Variants in VWF observed in about 807,000 individuals in gnomAD.
VWF encodes Factor VIII related antigen.
A neutral mutation model predicts 308.6 loss-of-function variants in VWF; 176 were observed. That is an observed-to-expected ratio of 0.57 (90% CI 0.50 to 0.65). The LOEUF (loss-of-function observed/expected upper bound fraction) is 0.65. Among genes scored for constraint, VWF ranks in the 30% least tolerant of loss-of-function variants. The probability of loss-of-function intolerance (pLI) is 0.00; values close to 1 mark genes in which losing one functional copy is unlikely to be tolerated. For missense variants in VWF, 3,146 were observed against 3,648.2 expected (o/e 0.86, Z 3.55); for synonymous variants, 1,385 against 1,443.4 (o/e 0.96, Z 0.92).
At chr12:6,103,131 T>C (rs1945184909) in intron 5 of VWF, among the ~76,000 whole-genome samples, 1 of 151,822 alleles carries the variant, frequency 6.6e-6, no homozygotes, top group African/African-American at 2.4e-5. Flanking sequence ...ATTGAGACCA[T>C]CCCTGGCTAA....
chr12:6,089,601 G>A (rs945798923), intron 6 of VWF, among the ~76,000 whole-genome samples: 4 of 151,940 alleles, frequency 2.6e-5, no homozygotes, highest in South Asian at 4.2e-4. Context: ...TCCTCAACCC[G>A]ACCTCAGGAT....
In VWF at chr12:6,029,560, T is replaced by C. The variant is rs570516825; in HGVS notation, c.2821-72A>G. The C allele has an allele frequency of 4.6e-5, 73 of 1,587,348 alleles. No individual in the cohort carries two copies. The African/African-American group carries it at 8.1e-4, about 18-fold the overall frequency. On this transcript the variant is annotated intron_variant, in intron 21 of 51. Coordinates refer to ENST00000261405, the MANE Select transcript of VWF (RefSeq NM_000552.5). ...CGACAGCCAGATCCTCCCTCCACTC[T>C]ACACCTGCCCATCTGTCTTCAGTGC...
intron 5 of VWF, among the ~76,000 whole-genome samples, chr12:6,098,522 T>C (rs560950105): frequency 1.3e-5 from 2 of 152,310 alleles, no homozygotes; most frequent in South Asian, 2.1e-4. Flanking sequence ...TTCATGCTTG[T>C]AATCCCAGCA....
intron 5 of VWF, among the ~76,000 whole-genome samples, chr12:6,097,021 C>A (rs1227913659): frequency 6.6e-6 from 1 of 152,198 alleles, no homozygotes; most frequent in Non-Finnish European, 1.5e-5. Context: ...ACTTCCTAAT[C>A]CCTGGAGCAT....
intron 6 of VWF, among the ~76,000 whole-genome samples, chr12:6,082,169 G>C (rs1944920598): frequency 6.6e-6 from 1 of 152,060 alleles, no homozygotes; most frequent in Admixed American, 6.5e-5. Flanking sequence ...GTTCCACCAT[G>C]TTGGTCAGGC....
rs183074778 is a variant in VWF, at chr12:6,004,003, G to A, written c.5842+7614C>T. On this transcript the variant is annotated intron_variant, in intron 34 of 51. Coordinates refer to ENST00000261405, the MANE Select transcript of VWF (RefSeq NM_000552.5). Reference sequence around the variant, plus strand: ...GCTAATTTTTTGTATTTTTAGTAGAGACGGGGTTTCACCGTGTGTTAGCCA... The same window carrying A: ...GCTAATTTTTTGTATTTTTAGTAGAAACGGGGTTTCACCGTGTGTTAGCCA... 2.6e-3 allele frequency among the ~76,000 whole-genome samples: 398 copies of A among 152,060 alleles called. 3 individuals are homozygous for A. The highest frequency in any genetic ancestry group is 8.6e-3 in the African/African-American group (355 of 41,488).
chr12:6,058,098 G>T lies in VWF; in HGVS notation c.1534-54C>A. 2 of 1,589,570 alleles carry T rather than the reference G, an allele frequency of 1.3e-6. No homozygotes were observed. Among genetic ancestry groups the T allele is most frequent in the Non-Finnish European group, 1.7e-6 (2 of 1,164,152 alleles). ...CCGCTGCCGCGAAAGCAGCGGCATA[G>T]TTGTTTAGCTAATGAGATGGTTTTA... On this transcript the variant is annotated intron_variant, in intron 13 of 51. Coordinates refer to ENST00000261405, the MANE Select transcript of VWF (RefSeq NM_000552.5). The surrounding 1 kb of genome is among the most constrained non-coding windows in gnomAD (Gnocchi z 4.9).
At chr12:6,069,798 A>T (rs1944761217) in intron 10 of VWF, among the ~76,000 whole-genome samples, 1 of 152,200 alleles carries the variant, frequency 6.6e-6, no homozygotes, top group African/African-American at 2.4e-5. Flanking sequence ...ATCCTCAGCA[A>T]AGTCATCTTC....
chr12:6,121,301 G>C lies in VWF; in HGVS notation c.93C>G (p.Ser31=), dbSNP rs1302252417. The C allele has an allele frequency of 1.2e-6, 2 of 1,614,112 alleles. No individual in the cohort carries two copies. Among genetic ancestry groups the C allele is most frequent in the African/African-American group, 2.7e-5 (2 of 74,950 alleles). Residue 31 remains serine, a synonymous_variant, in exon 3 of 52, where the codon TCC becomes TCG. Coordinates refer to ENST00000261405, the MANE Select transcript of VWF (RefSeq NM_000552.5). ...TTCCGAAAAGGCTGCATCGGGCCGT[G>C]GATGACCTGCCGCGAGTTCCTTCTG... ...LCAEGTRGRS[S]TARCSLFGSD...
At chr12:6,052,414 A>C (rs1377765719) in intron 16 of VWF, 129 bp downstream of exon 16, 1 of 1,407,378 alleles carries the variant, frequency 7.1e-7, no homozygotes, top group Non-Finnish European at 1.0e-6. Context: ...CTTGCTGTAC[A>C]GTTCTGGACA....
Position 6,031,570 on chromosome 12 carries a change from G to A in VWF, c.2694C>T (p.Cys898=), listed in dbSNP as rs201892996. Residue 898 remains cysteine (C), a synonymous_variant, in exon 21 of 52, where the codon TGC becomes TGT. Coordinates refer to ENST00000261405, the MANE Select transcript of VWF (RefSeq NM_000552.5). ...TCCGAAAGGTCCCAGGGTTACTGCC[G>A]CAGTAATCCTGGGGAAAGAGGAGTG... ...ECQYVLVQDY[C]GSNPGTFRIL... 76 of 1,614,018 alleles carry A rather than the reference G, an allele frequency of 4.7e-5. No individual in the cohort carries two copies. In the East Asian group the frequency reaches 1.0e-3, roughly 21 times the overall value.
intron 5 of VWF, among the ~76,000 whole-genome samples, chr12:6,098,782 A>T (rs940575408): frequency 1.3e-5 from 2 of 152,080 alleles, no homozygotes; most frequent in Non-Finnish European, 2.9e-5. Flanking sequence ...CTCAAAAAAA[A>T]AGAAATTTCA....
At chr12:5,949,622 A>C (rs1943156090) in intron 51 of VWF, among the ~76,000 whole-genome samples, 164 bp downstream of exon 51, 1 of 151,992 alleles carries the variant, frequency 6.6e-6, no homozygotes, top group Non-Finnish European at 1.5e-5. Flanking sequence ...AAAAATTTCC[A>C]GTTACTTCAA....
In VWF at chr12:6,025,664, G is replaced by A. The variant is rs1315307330; in HGVS notation, c.3138C>T (p.Cys1046=). Residue 1046 remains cysteine (C), a synonymous_variant, in exon 24 of 52, where the codon TGC becomes TGT. Coordinates refer to ENST00000261405, the MANE Select transcript of VWF (RefSeq NM_000552.5). ...TCGTCTGCTTCATGATGTTGTTATG[G>A]CAGGTGGCAGGGGATGAGTCCAGAG... The part of the protein sequence containing the change: ...KVPLDSSPAT[C]HNNIMKQTMV... 4.5e-6 allele frequency: 7 copies of A among 1,565,560 alleles called. No individual in the cohort carries two copies. The African/African-American group carries it at 9.5e-5, about 21-fold the overall frequency.
chr12:5,998,649 T>C (rs958216284), intron 34 of VWF, among the ~76,000 whole-genome samples: 6 of 150,440 alleles, frequency 4.0e-5, no homozygotes, highest in Non-Finnish European at 8.9e-5. Flanking sequence ...TAAGAACAAA[T>C]TAAATTACTA....
rs1944168052 is a variant in VWF, at chr12:6,024,508, T to C, written c.3223-721A>G. Among the ~76,000 whole-genome samples the C allele has an allele frequency of 6.6e-6, 1 of 152,232 alleles. No individual in the cohort carries two copies. The highest frequency in any genetic ancestry group is 2.4e-5 in the African/African-American group (1 of 41,468). The stretch of plus-strand genomic sequence containing the variant: ...CCAGGATTTCCACCAAACCAGGGAA[T>C]GTAAGTATCCTTTGGAGTCCTCAGA... On this transcript the variant is annotated intron_variant, in intron 24 of 51. Transcript: ENST00000261405. The surrounding 1 kb of genome is among the most constrained non-coding windows in gnomAD (Gnocchi z 4.0).
At chr12:6,072,745 A>T (rs975114746) in intron 8 of VWF, among the ~76,000 whole-genome samples, 2 of 152,170 alleles carry the variant, frequency 1.3e-5, no homozygotes, top group Admixed American at 6.5e-5. Flanking sequence ...CTTACACATT[A>T]ATGCAACGTG....
At chr12:5,984,022 A>AGATAGATG in intron 40 of VWF, among the ~76,000 whole-genome samples, 1 of 61,212 alleles carries the variant, frequency 1.6e-5, no homozygotes, top group South Asian at 4.3e-4. Context: ...ATAGATAGAC[A>AGATAGATG]GACAGACAGA....
At chr12:6,057,494 T>TATTA (rs1944595615) in intron 14 of VWF, among the ~76,000 whole-genome samples, 1 of 139,976 alleles carries the variant, frequency 7.1e-6, no homozygotes, top group African/African-American at 2.8e-5. Context: ...TTATTATTAT[T>TATTA]ATTATTATTA....
Sources: gnomAD v4.1 joint callset for allele counts (sites outside exome capture counted in the v4.1 genomes callset) on GRCh38, gnomAD v4.1.1 for gene constraint, Gnocchi (gnomAD v3.1) non-coding constraint, MANE v1.5 for transcripts, NCBI Gene and HGNC (gene_info 2026-07-23, HGNC 2026-07-21) for gene names.